The following ADGRB2 variants were observed in gnomAD, a reference collection of about 807,000 sequenced individuals.
The protein encoded by ADGRB2 is brain-specific angiogenesis inhibitor 2.
In ADGRB2, 47 loss-of-function variants were observed where a neutral mutation model predicts 178.7. The observed-to-expected ratio is 0.26, with a 90% CI of 0.21 to 0.34. The LOEUF is 0.34. ADGRB2 is among the 10% of genes least tolerant of loss of function. The pLI is 1.00. For synonymous variants in ADGRB2, 870 were observed against 912.4 expected, an observed-to-expected ratio of 0.95 and a Z score of 0.84; for missense variants, 1,584 against 2,180.8, an observed-to-expected ratio of 0.73 and a Z score of 5.45.
chr1:31,744,291 T>G lies in ADGRB2; in HGVS notation c.989A>C (p.Gln330Pro). ...VCSLTCGQGL[Q>P]VRTRSCVSSP... ...GGACACACAGGAGCGGGTCCGCACC[T>G]GCAGACCCTGCCCACACGTCAGGGA... Residue 330 changes from glutamine (Q) to proline (P), a missense_variant, in exon 6 of 33, where the codon CAG becomes CCG. Gln to Pro is a moderately conservative substitution (Grantham distance 76, BLOSUM62 -1). Around this residue, in one of 3 missense-constraint regions of ADGRB2, gnomAD observed 657 missense variants for 847.6 expected, o/e 0.78. Transcript: ENST00000373658. This position sits in a 1 kb window ranked among gnomAD's most constrained non-coding sequence, Gnocchi z 6.7. 6.4e-7 allele frequency: 1 copy of G among 1,551,320 alleles called. No individual in the cohort carries two copies. Among genetic ancestry groups the G allele is most frequent in the Non-Finnish European group, 8.7e-7 (1 of 1,146,884 alleles).
Position 31,757,260 on chromosome 1 carries a change from T to G in ADGRB2, c.-39A>C. ...CATCCCCGTGTGTCGTGATCAGCTG[T>G]GAGGCATGTCACCGCGTAATCCTGT... On this transcript the variant is annotated 5_prime_UTR_variant, in exon 3 of 33. Coordinates refer to ENST00000373658, the MANE Select transcript of ADGRB2 (RefSeq NM_001364857.2). The G allele has an allele frequency of 6.2e-7, 1 of 1,613,486 alleles. No individual in the cohort carries two copies. Among genetic ancestry groups the G allele is most frequent in the Non-Finnish European group, 8.5e-7 (1 of 1,179,398 alleles).
Position 31,739,327 on chromosome 1 carries a change from G to A in ADGRB2, c.2476C>T (p.Leu826Phe). 6.9e-7 allele frequency: 1 copy of A among 1,454,572 alleles called. No individual in the cohort carries two copies. The highest frequency in any genetic ancestry group is 9.1e-7 in the Non-Finnish European group (1 of 1,101,054). The allele number at this position is 1,454,572 out of a possible 1,614,324, so 90.1% of individuals were successfully genotyped here. ...IGAVLYRTLG[L>F]ILPPPRPPLA... The stretch of plus-strand genomic sequence containing the variant: ...ACTCACCTGGGAGGCGGCAGGATGA[G>A]GCCAAGGGTGCGGTAGAGTACAGCA... Residue 826 changes from leucine (L) to phenylalanine (F), a missense_variant, in exon 15 of 33, where the codon CTC (leucine) becomes TTC (phenylalanine). Coordinates refer to ENST00000373658, the MANE Select transcript of ADGRB2 (RefSeq NM_001364857.2).
chr1:31,729,612 A>G (rs1045280137), intron 29 of ADGRB2, among the ~76,000 whole-genome samples: 2 of 152,138 alleles, frequency 1.3e-5, no homozygotes, highest in African/African-American at 4.8e-5. Context: ...TGCAGCTCAC[A>G]CCAATGGAAT....
Position 31,728,153 on chromosome 1 carries a change from G to T in ADGRB2, c.4515+29C>A, listed in dbSNP as rs764902999. The stretch of plus-strand genomic sequence containing the variant: ...ACCAGGTCAGGCCCTGAGCTTCAGG[G>T]CAGGGGCAGCCACGGGAGGAGCCCT... On this transcript the variant is annotated intron_variant, in intron 31 of 32. Transcript: ENST00000373658. This position sits in a 1 kb window ranked among gnomAD's most constrained non-coding sequence, Gnocchi z 6.7. 20 of 1,613,838 alleles carry T rather than the reference G, an allele frequency of 1.2e-5. No homozygotes were observed. Among genetic ancestry groups the T allele is most frequent in the Non-Finnish European group, 1.6e-5 (19 of 1,179,964 alleles).
Position 31,742,899 on chromosome 1 carries a change from G to A in ADGRB2, c.1191C>T (p.Gly397=), listed in dbSNP as rs369964162. 6 of 1,540,786 alleles carry A rather than the reference G, an allele frequency of 3.9e-6. No individual in the cohort carries two copies. The highest frequency in any genetic ancestry group is 5.3e-6 in the Non-Finnish European group (6 of 1,142,486). Residue 397 remains glycine, a synonymous_variant, in exon 7 of 33, where the codon GGC becomes GGT. Coordinates refer to ENST00000373658, the MANE Select transcript of ADGRB2 (RefSeq NM_001364857.2). ...GCTCAGGACCCTCGCAGGCCTTGCC[G>A]CCGTGCTGGGGGGGCACGCAGGTCC... ...RMRTCVPPQH[G]GKACEGPELQ...
chr1:31,731,022 G>A lies in ADGRB2; in HGVS notation c.4158C>T (p.Ala1386=), dbSNP rs765774499. The A allele has an allele frequency of 4.4e-6, 7 of 1,584,382 alleles. No individual in the cohort carries two copies. The highest frequency in any genetic ancestry group is 6.0e-6 in the Non-Finnish European group (7 of 1,162,518). ...AGCCTTCAGTGTGGGCCACTGTCTT[G>A]GCAGCTCGCCGGGGGGTCCCCTCCG... ...ARPEGTPRRA[A]KTVAHTEGYP... is the part of the protein sequence containing the mutation. Residue 1386 remains alanine, a synonymous_variant, in exon 29 of 33, where the codon GCC becomes GCT. Transcript: ENST00000373658.
In ADGRB2 at chr1:31,764,269, C is replaced by T. The variant is rs1331348971; in HGVS notation, c.-576G>A. ...CGCATCCTCTTCGGTCTCTGAGCGC[C>T]GCCGCCGCTGCCGCCGAACCCGGTT... On this transcript the variant is annotated 5_prime_UTR_variant, in exon 1 of 33. Coordinates refer to ENST00000373658, the MANE Select transcript of ADGRB2 (RefSeq NM_001364857.2). This position sits in a 1 kb window ranked among gnomAD's most constrained non-coding sequence, Gnocchi z 7.3. 2.4e-5 allele frequency: 4 copies of T among 163,842 alleles called. No individual in the cohort carries two copies. The East Asian group carries it at 5.9e-4, about 24-fold the overall frequency. The allele number at this position is 163,842 out of a possible 1,614,324, so 10.1% of individuals were successfully genotyped here. A position where few individuals can be genotyped will look rare whatever the true frequency, so the allele number is the denominator to read the frequency against.
intron 14 of ADGRB2, 101 bp from the exon 15 acceptor site, chr1:31,739,736 A>C (rs558778105): frequency 7.3e-7 from 1 of 1,377,518 alleles, no homozygotes; most frequent in South Asian, 1.4e-5. Flanking sequence ...GTACCAGGAA[A>C]GGTAGATGTG....
Position 31,763,941 on chromosome 1 carries a change from G to C in ADGRB2, c.-248C>G, listed in dbSNP as rs537969044. 4.1e-6 allele frequency: 4 copies of C among 985,546 alleles called. No homozygotes were observed. In the South Asian group the frequency reaches 1.4e-4, roughly 34 times the overall value. The allele number at this position is 985,546 out of a possible 1,614,324, so 61.1% of individuals were successfully genotyped here. Reference sequence around the variant, plus strand: ...GCGCTGGCGGGGGCGGCCACGGGGCGCAAGTTTGCCATCCCTAAGTCGGGG... The same window carrying C: ...GCGCTGGCGGGGGCGGCCACGGGGCCCAAGTTTGCCATCCCTAAGTCGGGG... On this transcript the variant is annotated 5_prime_UTR_variant, in exon 1 of 33. Coordinates refer to ENST00000373658, the MANE Select transcript of ADGRB2 (RefSeq NM_001364857.2).
Position 31,735,223 on chromosome 1 carries a change from G to C in ADGRB2, c.3412C>G (p.Pro1138Ala). ...GAGGCTGAGCTGAGCAGGGGGCTGG[G>C]GACCGCTCCACACGCTGAGCAGGGG... ...LLPCSACGAVPSPLLSSASAR... is the reference protein window; with the variant it reads ...LLPCSACGAVASPLLSSASAR... Residue 1138 changes from proline (P) to alanine (A), a missense_variant, in exon 25 of 33, where the codon CCC becomes GCC. Physicochemically the swap from Pro to Ala is conservative, Grantham distance 27. Coordinates refer to ENST00000373658, the MANE Select transcript of ADGRB2 (RefSeq NM_001364857.2). This position sits in a 1 kb window ranked among gnomAD's most constrained non-coding sequence, Gnocchi z 6.0. The C allele has an allele frequency of 6.9e-7, 1 of 1,459,826 alleles. No homozygotes were observed. The highest frequency in any genetic ancestry group is 2.5e-5 in the East Asian group (1 of 40,070). 90.4% of individuals were successfully genotyped at this position (1,459,826 alleles called of 1,614,324 possible). A position where few individuals can be genotyped will look rare whatever the true frequency, so the allele number is the denominator to read the frequency against.
chr1:31,740,889 G>GCA lies in ADGRB2; in HGVS notation c.1795-349_1795-348insTG, dbSNP rs1557759842. ...GAGTGTAATGAGCATGTGTGTGGGC[G>GCA]CGCGCGCACACACACACACACACAC... On this transcript the variant is annotated intron_variant, in intron 11 of 32. Coordinates refer to ENST00000373658, the MANE Select transcript of ADGRB2 (RefSeq NM_001364857.2). The surrounding 1 kb of genome is among the most constrained non-coding windows in gnomAD (Gnocchi z 5.9). 3.5e-5 allele frequency among the ~76,000 whole-genome samples: 2 copies of GCA among 56,570 alleles called. No homozygotes were observed. Among genetic ancestry groups the GCA allele is most frequent in the Non-Finnish European group, 8.4e-5 (2 of 23,730 alleles). The allele number at this position is 56,570 out of a possible 152,430, so 37.1% of individuals were successfully genotyped here. A position where few individuals can be genotyped will look rare whatever the true frequency, so the allele number is the denominator to read the frequency against.
chr1:31,737,712 C>G lies in ADGRB2; in HGVS notation c.2816G>C (p.Gly939Ala). 1 of 1,613,700 alleles carries G rather than the reference C, an allele frequency of 6.2e-7. No homozygotes were observed. The highest frequency in any genetic ancestry group is 8.5e-7 in the Non-Finnish European group (1 of 1,180,002). Residue 939 changes from glycine to alanine, a missense_variant, in exon 19 of 33, where the codon GGC (glycine) becomes GCC (alanine). By Grantham distance (60) the Gly-to-Ala change is moderately conservative. Around this residue, in one of 3 missense-constraint regions of ADGRB2, gnomAD observed 865 missense variants for 1,192.8 expected, o/e 0.73. Transcript: ENST00000373658. ...CAGCGCCATGCACGACACTGCACAGCCGATCACCAGGGGGACCGAGGGGGA... is the reference window on the plus strand; with the variant it reads ...CAGCGCCATGCACGACACTGCACAGGCGATCACCAGGGGGACCGAGGGGGA... Reference protein sequence around the residue: ...AGSPSVPLVIGCAVSCMALLT... With the variant: ...AGSPSVPLVIACAVSCMALLT...
At position 31,735,570 on chromosome 1, in the gene ADGRB2, C is replaced by T. The variant is rs370953719; in HGVS notation, c.3353+10G>A. 1.7e-4 allele frequency: 272 copies of T among 1,613,502 alleles called. No homozygotes were observed. Among genetic ancestry groups the T allele is most frequent in the South Asian group, 5.8e-4 (53 of 91,066 alleles). ...CCAGAAAGGCCAAGTCTCAGAGGCC[C>T]CCCCCTTACCCGGCCCTCTGCTTCT... is the stretch of plus-strand genomic sequence containing the variant. On this transcript the variant is annotated intron_variant, in intron 24 of 32. Coordinates refer to ENST00000373658, the MANE Select transcript of ADGRB2 (RefSeq NM_001364857.2). The surrounding 1 kb of genome is among the most constrained non-coding windows in gnomAD (Gnocchi z 6.0).
chr1:31,749,830 T>C (rs533713111), intron 4 of ADGRB2, among the ~76,000 whole-genome samples: 3 of 151,924 alleles, frequency 2.0e-5, no homozygotes, highest in South Asian at 2.1e-4. Flanking sequence ...GGTGGGAGGA[T>C]TGTTTGAGGC....
In ADGRB2 at chr1:31,728,108, C is replaced by T. The variant is rs1569689359; in HGVS notation, c.4516-27G>A. On this transcript the variant is annotated intron_variant, in intron 31 of 32. Coordinates refer to ENST00000373658, the MANE Select transcript of ADGRB2 (RefSeq NM_001364857.2). The surrounding 1 kb of genome is among the most constrained non-coding windows in gnomAD (Gnocchi z 6.7). The stretch of plus-strand genomic sequence containing the variant: ...TGCAACGGGGGCCACCGGTCAGGCT[C>T]CAACCCCAGGGGCCACTGCACCAGG... 1 of 1,612,280 alleles carries T rather than the reference C, an allele frequency of 6.2e-7. No individual in the cohort carries two copies. Among genetic ancestry groups the T allele is most frequent in the Non-Finnish European group, 8.5e-7 (1 of 1,179,594 alleles).
chr1:31,727,375 G>C lies in ADGRB2; in HGVS notation c.*45C>G, dbSNP rs754105325. The C allele has an allele frequency of 1.3e-6, 2 of 1,533,086 alleles. No homozygotes were observed. Among genetic ancestry groups the C allele is most frequent in the Non-Finnish European group, 8.7e-7 (1 of 1,149,644 alleles). The allele number at this position is 1,533,086 out of a possible 1,614,324, so 95.0% of individuals were successfully genotyped here. The stretch of plus-strand genomic sequence containing the variant: ...AGTTCCAAAGTGGAGTGTGAAAATA[G>C]AGAGATATATATATTTATATGCAGT... On this transcript the variant is annotated 3_prime_UTR_variant, in exon 33 of 33. Transcript: ENST00000373658. The surrounding 1 kb of genome is among the most constrained non-coding windows in gnomAD (Gnocchi z 4.4).
rs914607337 is a variant in ADGRB2, at chr1:31,757,440, G to A, written c.-119C>T. On this transcript the variant is annotated 5_prime_UTR_variant, in exon 2 of 33. Transcript: ENST00000373658. ...TTACAGCCAGTGTGCCAGGAACTGC[G>A]CACAACCTGAGCCATGCCCACAGGA... The A allele has an allele frequency of 1.8e-5, 11 of 625,682 alleles. No homozygotes were observed. The highest frequency in any genetic ancestry group is 7.6e-4 in the Middle Eastern group (2 of 2,616). 38.8% of individuals were successfully genotyped at this position (625,682 alleles called of 1,614,324 possible).
rs1646660656 is a variant in ADGRB2 at position 31,753,095 on chromosome 1, G to T, written c.838+2904C>A. 6.6e-6 allele frequency among the ~76,000 whole-genome samples: 1 copy of T among 152,176 alleles called. No homozygotes were observed. Among genetic ancestry groups the T allele is most frequent in the South Asian group, 2.1e-4 (1 of 4,836 alleles). On this transcript the variant is annotated intron_variant, in intron 4 of 32. Coordinates refer to ENST00000373658, the MANE Select transcript of ADGRB2 (RefSeq NM_001364857.2). The surrounding 1 kb of genome is among the most constrained non-coding windows in gnomAD (Gnocchi z 4.1). ...CCCAGTGCCTCCTCAGGATTAGAGG[G>T]TCAGTGGGCAGGAACTGCAGGCTGG...
At chr1:31,739,676 A>G (rs947071954) in intron 14 of ADGRB2, 41 bp from the exon 15 acceptor site, 1 of 1,539,994 alleles carries the variant, frequency 6.5e-7, no homozygotes. Flanking sequence ...ACAGAGGGGC[A>G]GAAACAAAGG....
Sources: allele counts gnomAD v4.1 joint callset (sites outside exome capture counted in the v4.1 genomes callset), GRCh38; gene constraint gnomAD v4.1.1; regional missense constraint gnomAD v4.1.1; non-coding constraint Gnocchi (gnomAD v3.1); transcripts MANE v1.5; gene names NCBI Gene and HGNC (gene_info 2026-07-23, HGNC 2026-07-21).